Variants in ST14 observed in about 807,000 individuals in gnomAD.
The protein encoded by ST14 is ST14 transmembrane serine protease matriptase.
A neutral mutation model predicts 96.5 loss-of-function variants in ST14; 40 were observed. That is an observed-to-expected ratio of 0.41 (90% CI 0.32 to 0.54). The LOEUF (loss-of-function observed/expected upper bound fraction) is 0.54. ST14 is among the 20% of genes least tolerant of loss of function. The probability of loss-of-function intolerance (pLI) is 0.17; values close to 1 mark genes in which losing one functional copy is unlikely to be tolerated. For missense variants in ST14, 1,066 were observed against 1,188.9 expected (o/e 0.90, Z 1.52); for synonymous variants, 506 against 492.1 (o/e 1.03, Z -0.37).
At chr11:130,177,327 G>A (rs1379408779) in intron 1 of ST14, among the ~76,000 whole-genome samples, 1 of 152,010 alleles carries the variant, frequency 6.6e-6, no homozygotes, top group Non-Finnish European at 1.5e-5. Context: ...CACTTTGGGA[G>A]GCTGAGGTGG....
At chr11:130,167,477 T>C (rs931253223) in intron 1 of ST14, among the ~76,000 whole-genome samples, 1 of 152,232 alleles carries the variant, frequency 6.6e-6, no homozygotes, top group East Asian at 1.9e-4. Flanking sequence ...GCTGTTTGTG[T>C]GCACACCTAT....
chr11:130,183,542 T>TAA (rs751348726), intron 1 of ST14, among the ~76,000 whole-genome samples: 26 of 126,982 alleles, frequency 2.0e-4, no homozygotes, highest in East Asian at 6.9e-4. Flanking sequence ...CCCTGTATCT[T>TAA]AAAAAAAAAA....
At chr11:130,204,079 C>T (rs553632689) in intron 16 of ST14, among the ~76,000 whole-genome samples, 5 of 152,354 alleles carry the variant, frequency 3.3e-5, no homozygotes, top group Non-Finnish European at 7.3e-5. Context: ...CATCCTCTCC[C>T]ACAGCTTTCT....
intron 1 of ST14, among the ~76,000 whole-genome samples, chr11:130,183,694 A>G (rs1344145312): frequency 6.6e-6 from 1 of 152,208 alleles, no homozygotes; most frequent in African/African-American, 2.4e-5. Context: ...TACATCTTTC[A>G]GTGTACAGGT....
At chr11:130,196,302 G>A in intron 9 of ST14, 37 bp from the exon 10 acceptor site, 2 of 1,517,144 alleles carry the variant, frequency 1.3e-6, no homozygotes, top group Admixed American at 1.9e-5. Context: ...GAGGAGGGAG[G>A]GGAACTGCAC....
At chr11:130,160,497 T>C (rs1188103090) in intron 1 of ST14, among the ~76,000 whole-genome samples, 1 of 152,040 alleles carries the variant, frequency 6.6e-6, no homozygotes, top group Non-Finnish European at 1.5e-5. Context: ...TCTCTCTCCT[T>C]CCCCGTCAAA....
chr11:130,200,287 A>G (rs1307145855), intron 16 of ST14, 150 bp downstream of exon 16: 3 of 903,784 alleles, frequency 3.3e-6, no homozygotes, highest in Non-Finnish European at 1.7e-6. Flanking sequence ...AATACCTGAG[A>G]CTGGGTCATT....
Position 130,187,280 on chromosome 11 carries a change from C to T in ST14, c.82-834C>T, listed in dbSNP as rs1028562828. ...GGCATGTGCTATCGGCAGAAGCCTT[C>T]GCCGGTCCGTCACTGGGTGCAGCAG... On this transcript the variant is annotated intron_variant, in intron 1 of 18. Coordinates refer to ENST00000278742, the MANE Select transcript of ST14 (RefSeq NM_021978.4). The surrounding 1 kb of genome is among the most constrained non-coding windows in gnomAD (Gnocchi z 4.5). Among the ~76,000 whole-genome samples the T allele has an allele frequency of 3.9e-5, 6 of 152,208 alleles. 1 individual carries two copies. Among genetic ancestry groups the T allele is most frequent in the East Asian group, 1.9e-4 (1 of 5,196 alleles).
chr11:130,189,502 T>G, intron 4 of ST14: 2 of 585,088 alleles, frequency 3.4e-6, no homozygotes, highest in Non-Finnish European at 6.0e-6. Flanking sequence ...TTCCTACCCC[T>G]GAGCAGCCCC....
At chr11:130,179,559 C>T (rs992236897) in intron 1 of ST14, among the ~76,000 whole-genome samples, 2 of 152,140 alleles carry the variant, frequency 1.3e-5, no homozygotes, top group African/African-American at 4.8e-5. Context: ...GTCCCGCCCT[C>T]AGGAGCCTGC....
chr11:130,180,859 G>A (rs1565621069), intron 1 of ST14, among the ~76,000 whole-genome samples: 3 of 152,070 alleles, frequency 2.0e-5, no homozygotes, highest in South Asian at 2.1e-4. Context: ...TGGAGAGCCC[G>A]GCCTTGGGGA....
intron 1 of ST14, among the ~76,000 whole-genome samples, chr11:130,162,706 C>A (rs1038880073): frequency 1.3e-5 from 2 of 152,238 alleles, no homozygotes; most frequent in African/African-American, 2.4e-5. Flanking sequence ...AGACTCACAG[C>A]CCCTGTCCTT....
intron 1 of ST14, among the ~76,000 whole-genome samples, chr11:130,160,678 C>T (rs1952992522): frequency 6.6e-6 from 1 of 152,180 alleles, no homozygotes. Flanking sequence ...ATGTCTTGAG[C>T]CTTTTGCGAA....
At chr11:130,172,024 C>T (rs1953096450) in intron 1 of ST14, among the ~76,000 whole-genome samples, 1 of 152,166 alleles carries the variant, frequency 6.6e-6, no homozygotes, top group South Asian at 2.1e-4. Context: ...AGGTGCTTAT[C>T]ATGAGTGACA....
At chr11:130,171,537 C>A (rs915746558) in intron 1 of ST14, among the ~76,000 whole-genome samples, 3 of 152,196 alleles carry the variant, frequency 2.0e-5, no homozygotes, top group Non-Finnish European at 4.4e-5. Context: ...AGAGCATGAT[C>A]TCTCTGGGCT....
At chr11:130,202,535 G>A (rs1953440173) in intron 16 of ST14, among the ~76,000 whole-genome samples, 1 of 152,214 alleles carries the variant, frequency 6.6e-6, no homozygotes, top group South Asian at 2.1e-4. Flanking sequence ...TGAACTGAGG[G>A]TTGAAGGTGA....
chr11:130,162,903 G>T (rs1010618666), intron 1 of ST14, among the ~76,000 whole-genome samples: 2 of 152,164 alleles, frequency 1.3e-5, no homozygotes, highest in Admixed American at 6.5e-5. Flanking sequence ...AAGACCCGGG[G>T]CCGCCTTGTC....
intron 1 of ST14, among the ~76,000 whole-genome samples, chr11:130,161,490 G>C (rs1360758639): frequency 6.6e-6 from 1 of 152,168 alleles, no homozygotes; most frequent in African/African-American, 2.4e-5. Context: ...GCCCACACGG[G>C]GAAAGCAGGG....
In ST14 at chr11:130,163,121, C is replaced by T. The variant is rs189352850; in HGVS notation, c.81+3061C>T. Reference sequence around the variant, plus strand: ...AGGGACTTGAGACAAGCAAGAAGATCGTATAGTATCAGTAGGTCGCCTGTC... The same window carrying T: ...AGGGACTTGAGACAAGCAAGAAGATTGTATAGTATCAGTAGGTCGCCTGTC... On this transcript the variant is annotated intron_variant, in intron 1 of 18. Transcript: ENST00000278742. Among the ~76,000 whole-genome samples the T allele has an allele frequency of 1.9e-3, 283 of 152,186 alleles. 1 individual carries two copies. Among genetic ancestry groups the T allele is most frequent in the Non-Finnish European group, 3.1e-3 (211 of 68,014 alleles).
Sources: allele counts gnomAD v4.1 joint callset (sites outside exome capture counted in the v4.1 genomes callset), GRCh38; gene constraint gnomAD v4.1.1; non-coding constraint Gnocchi (gnomAD v3.1); transcripts MANE v1.5; gene names NCBI Gene and HGNC (gene_info 2026-07-23, HGNC 2026-07-21).